GLIS3: variants seen among roughly 807,000 people sequenced by gnomAD.
GLIS3 encodes zinc finger protein GLIS3.
Under a neutral mutation model 78.6 loss-of-function variants are expected in GLIS3, and 53 were observed. The ratio of observed to expected loss-of-function variants is 0.67; its 90% CI spans 0.54 to 0.85. GLIS3 has a LOEUF of 0.85. Among genes scored for constraint, GLIS3 ranks in the 40% least tolerant of loss-of-function variants. GLIS3 has a pLI of 0.00. For synonymous variants in GLIS3, 684 were observed against 509.9 expected (o/e 1.34, Z -4.60); for missense variants, 1,703 against 1,231.1 (o/e 1.38, Z -5.74).
At chr9:3,934,196 C>T (rs1825768516) in intron 5 of GLIS3, among the ~76,000 whole-genome samples, 1 of 152,198 alleles carries the variant, frequency 6.6e-6, no homozygotes, top group South Asian at 2.1e-4. Context: ...GCATAGCCTT[C>T]TTGCACTAGC....
At chr9:4,209,429 C>G (rs1402295693) in intron 2 of GLIS3, among the ~76,000 whole-genome samples, 1 of 152,152 alleles carries the variant, frequency 6.6e-6, no homozygotes, top group African/African-American at 2.4e-5. Context: ...ACAACAGTCC[C>G]ACACACAAAG....
chr9:4,201,059 A>G (rs1427061331), intron 2 of GLIS3, among the ~76,000 whole-genome samples: 1 of 152,256 alleles, frequency 6.6e-6, no homozygotes, highest in Non-Finnish European at 1.5e-5. Context: ...GTGATTCACC[A>G]CATAAACAGA....
intron 2 of GLIS3, among the ~76,000 whole-genome samples, chr9:4,330,632 G>C (rs979270776): frequency 6.6e-6 from 1 of 151,932 alleles, no homozygotes; most frequent in Non-Finnish European, 1.5e-5. Context: ...GTTGGATGGA[G>C]ATGAGGAGAG....
At chr9:4,391,683 G>A in the GLIS3 span, among the ~76,000 whole-genome samples, 4 of 152,160 alleles carry the variant, frequency 2.6e-5, no homozygotes, top group Non-Finnish European at 5.9e-5. Context: ...TTAAGAGCAG[G>A]AAATTCAGAT....
chr9:4,026,066 T>C (rs1463005234), intron 4 of GLIS3, among the ~76,000 whole-genome samples: 2 of 152,158 alleles, frequency 1.3e-5, no homozygotes, highest in Non-Finnish European at 2.9e-5. Flanking sequence ...CCCTACAACA[T>C]TAACATTATT....
In GLIS3 at chr9:3,932,388, G is replaced by C. The variant is rs1490552224; in HGVS notation, c.1955C>G (p.Ser652Cys). 2 of 1,613,420 alleles carry C rather than the reference G, an allele frequency of 1.2e-6. No homozygotes were observed. The highest frequency in any genetic ancestry group is 1.3e-5 in the African/African-American group (1 of 74,794). ...TTTCCTTGCTTGTTGCTCTTTGGAA[G>C]AATGTGCCTTCACATGCTTTCTTAG... ...SSLRKHVKAH[S>C]SKEQQARKKL... Residue 652 changes from serine to cysteine, a missense_variant, in exon 6 of 11, where the codon TCT becomes TGT. By Grantham distance (112) the Ser-to-Cys change is moderately radical. Transcript: ENST00000381971.
At chr9:4,156,220 T>C (rs1835031895) in intron 2 of GLIS3, among the ~76,000 whole-genome samples, 2 of 152,180 alleles carry the variant, frequency 1.3e-5, no homozygotes, top group East Asian at 3.9e-4. Flanking sequence ...TCTCCTCACA[T>C]TCACATAGAA....
chr9:4,155,383 C>G (rs1834975452), intron 2 of GLIS3, among the ~76,000 whole-genome samples: 1 of 152,216 alleles, frequency 6.6e-6, no homozygotes, highest in Non-Finnish European at 1.5e-5. Flanking sequence ...TGTCCATAAT[C>G]AAGTAACTTT....
At chr9:4,235,512 T>C (rs537660362) in intron 2 of GLIS3, among the ~76,000 whole-genome samples, 1 of 152,166 alleles carries the variant, frequency 6.6e-6, no homozygotes, top group African/African-American at 2.4e-5. Flanking sequence ...AGTGATTTAG[T>C]CCTTTTGGTA....
the GLIS3 span, among the ~76,000 whole-genome samples, chr9:4,355,299 C>A: frequency 6.6e-6 from 1 of 152,058 alleles, no homozygotes. Flanking sequence ...CTCCTTGAGC[C>A]TCAGGTTGGC....
At chr9:3,983,393 G>T (rs1249177186) in intron 4 of GLIS3, among the ~76,000 whole-genome samples, 1 of 152,146 alleles carries the variant, frequency 6.6e-6, no homozygotes, top group Non-Finnish European at 1.5e-5. Context: ...GGCTCATACA[G>T]TAAATTGGTA....
At chr9:4,358,542 C>T in the GLIS3 span, among the ~76,000 whole-genome samples, 1 of 152,112 alleles carries the variant, frequency 6.6e-6, no homozygotes, top group South Asian at 2.1e-4. Context: ...CAGCACGTTT[C>T]TAGTTGCTGG....
rs61020862 is a variant in GLIS3 at position 4,173,913 on chromosome 9, A to AAC, written c.389-47974_389-47973dup. On this transcript the variant is annotated intron_variant, in intron 2 of 10. Coordinates refer to ENST00000381971, the MANE Select transcript of GLIS3 (RefSeq NM_001042413.2). ...AATCCTAGTCCGAGTACCCAGTTAA[A>AAC]ACACACACACACACACACACGCACG... Among the ~76,000 whole-genome samples, 342 of 147,020 alleles carry AAC rather than the reference A, an allele frequency of 2.3e-3. 1 individual carries two copies. The highest frequency in any genetic ancestry group is 6.7e-3 in the African/African-American group (266 of 39,712).
the GLIS3 span, among the ~76,000 whole-genome samples, chr9:4,406,942 A>G: frequency 6.6e-6 from 1 of 152,204 alleles, no homozygotes; most frequent in Non-Finnish European, 1.5e-5. Context: ...TAGAAAAACA[A>G]TTCTAAAATT....
intron 4 of GLIS3, among the ~76,000 whole-genome samples, chr9:4,078,835 G>A (rs957139945): frequency 6.6e-6 from 1 of 152,142 alleles, no homozygotes; most frequent in African/African-American, 2.4e-5. Context: ...AGCTACTTTA[G>A]AACTCAGAGA....
chr9:4,005,815 T>G (rs150080086), intron 4 of GLIS3, among the ~76,000 whole-genome samples: 1 of 152,230 alleles, frequency 6.6e-6, no homozygotes, highest in Non-Finnish European at 1.5e-5. Context: ...ATTATCTACA[T>G]GAGTGGCTTG....
intron 4 of GLIS3, among the ~76,000 whole-genome samples, chr9:4,307,511 G>A (rs968794207): frequency 1.3e-5 from 2 of 151,832 alleles, no homozygotes; most frequent in Admixed American, 1.3e-4. Context: ...CTCTGATAGG[G>A]AGAATAATGT....
At chr9:3,841,363 G>A (rs1021327776) in intron 9 of GLIS3, among the ~76,000 whole-genome samples, 3 of 152,160 alleles carry the variant, frequency 2.0e-5, no homozygotes, top group Admixed American at 6.5e-5. Context: ...CTGAGGGTCC[G>A]AGATGGATCT....
At chr9:3,898,644 G>T in intron 7 of GLIS3, 47 bp downstream of exon 7, 1 of 1,611,792 alleles carries the variant, frequency 6.2e-7, no homozygotes, top group South Asian at 1.1e-5. Context: ...AGAGTAAAAG[G>T]CCTAAAAAAG....
Sources: allele counts gnomAD v4.1 joint callset (sites outside exome capture counted in the v4.1 genomes callset), GRCh38; gene constraint gnomAD v4.1.1; transcripts MANE v1.5; gene names NCBI Gene and HGNC (gene_info 2026-07-23, HGNC 2026-07-21).